CHD1L: variants seen among roughly 807,000 people sequenced by gnomAD.
The protein encoded by CHD1L is chromodomain helicase DNA binding protein 1 like.
In CHD1L, 118 loss-of-function variants were observed where a neutral mutation model predicts 115.9. That is an observed-to-expected ratio of 1.02 (90% CI 0.88 to 1.19). The LOEUF (loss-of-function observed/expected upper bound fraction) is 1.19. Among genes scored for constraint, CHD1L ranks in the 50% most tolerant of loss-of-function variants. CHD1L has a pLI of 0.00. For synonymous variants in CHD1L, 411 were observed against 387.1 expected (o/e 1.06, Z -0.72); for missense variants, 1,179 against 1,065.3 (o/e 1.11, Z -1.49).
intron 8 of CHD1L, among the ~76,000 whole-genome samples, 184 bp downstream of exon 8, chr1:147,266,271 T>G (rs587681167): frequency 2.6e-5 from 4 of 152,330 alleles, no homozygotes; most frequent in African/African-American, 9.6e-5. Context: ...CAGCCTTGGT[T>G]GTTGCAGTTG....
intron 5 of CHD1L, chr1:147,259,192 C>G (rs1671100836): frequency 6.6e-6 from 1 of 152,172 alleles, no homozygotes; most frequent in Non-Finnish European, 1.5e-5. Context: ...ACTGAAACTT[C>G]TTGAGAAATT....
chr1:147,286,617 A>G, intron 18 of CHD1L, 117 bp downstream of exon 18: 2 of 861,686 alleles, frequency 2.3e-6, no homozygotes, highest in Non-Finnish European at 3.6e-6. Flanking sequence ...GTACAGTCAA[A>G]AAAGTGTGAA....
At chr1:147,203,619 T>C in the CHD1L span, 1 of 1,231,840 alleles carries the variant, frequency 8.1e-7, no homozygotes, top group Non-Finnish European at 1.2e-6. Context: ...GCAAACTTCT[T>C]AATAGCGTAC....
chr1:147,244,081 T>A (rs61642695), intron 1 of CHD1L, among the ~76,000 whole-genome samples: 2,419 of 152,330 alleles, frequency 0.016, 68 homozygotes, highest in African/African-American at 0.056. Context: ...ATGTTTGACT[T>A]TATCTTAACG....
rs1673128078 is a variant in CHD1L, at chr1:147,264,464, C to T, written c.619C>T (p.Gln207Ter). The T allele has an allele frequency of 3.7e-6, 6 of 1,613,354 alleles. No homozygotes were observed. Among genetic ancestry groups the T allele is most frequent in the Non-Finnish European group, 5.1e-6 (6 of 1,179,708 alleles). ...TCTCCTGTTGACCGGAACTCCCATC[C>T]AGAACAGCCTCCAAGAGCTCTACTC... ...FSLLLTGTPI[Q>*]NSLQELYSLL... is the part of the protein sequence containing the mutation. Residue 207 changes from glutamine to a stop codon, truncating the protein, a stop_gained, in exon 7 of 23, where the codon CAG (glutamine) becomes TAG (stop). Coordinates refer to ENST00000369258, the MANE Select transcript of CHD1L (RefSeq NM_004284.6). LOFTEE classifies it high-confidence loss of function.
At chr1:147,178,786 C>CA in the CHD1L span, 3 of 1,604,068 alleles carry the variant, frequency 1.9e-6, no homozygotes, top group Non-Finnish European at 2.6e-6. Flanking sequence ...ATATACAGTG[C>CA]AAAAAATGAC....
the CHD1L span, among the ~76,000 whole-genome samples, chr1:147,196,784 C>T: frequency 6.6e-6 from 1 of 152,064 alleles, no homozygotes; most frequent in South Asian, 2.1e-4. Flanking sequence ...AATGAATGGC[C>T]TCAACACCTG....
At chr1:147,178,478 A>G in the CHD1L span, 1 of 1,611,900 alleles carries the variant, frequency 6.2e-7, no homozygotes, top group Non-Finnish European at 8.5e-7. Flanking sequence ...AGGACTGCTG[A>G]TGGAATTGTC....
chr1:147,209,977 G>A, the CHD1L span: 1 of 152,188 alleles, frequency 6.6e-6, no homozygotes, highest in African/African-American at 2.4e-5. Flanking sequence ...TCAAGGATAG[G>A]AGATAAAGCC....
chr1:147,199,308 G>C, the CHD1L span, among the ~76,000 whole-genome samples: 1 of 152,118 alleles, frequency 6.6e-6, no homozygotes, highest in Non-Finnish European at 1.5e-5. Context: ...GAAGAGAAAG[G>C]CAAGAATGTG....
intron 10 of CHD1L, among the ~76,000 whole-genome samples, chr1:147,269,493 AC>A (rs1675283313): frequency 6.6e-6 from 1 of 151,674 alleles, no homozygotes; most frequent in Non-Finnish European, 1.5e-5. Context: ...ACATGGTGAA[AC>A]CCTGTCTCTA....
chr1:147,225,913 T>TTTTA, the CHD1L span: 1 of 152,094 alleles, frequency 6.6e-6, no homozygotes, highest in Non-Finnish European at 1.5e-5. Flanking sequence ...CTTTAAGGGG[T>TTTTA]CCACGTGAAA....
chr1:147,178,247 C>T, the CHD1L span: 31 of 1,613,474 alleles, frequency 1.9e-5, no homozygotes, highest in East Asian at 4.5e-5. Flanking sequence ...ACGGGCTCTG[C>T]GGGCCTCATG....
the CHD1L span, among the ~76,000 whole-genome samples, chr1:147,198,864 A>G: frequency 2.2e-5 from 3 of 139,344 alleles, no homozygotes; most frequent in South Asian, 4.4e-4. Context: ...AAAAAAAAAA[A>G]AAAAAAAAAA....
rs925615203 is a variant in CHD1L at position 147,294,613 on chromosome 1, T to C, written c.2615+96T>C. On this transcript the variant is annotated intron_variant, in intron 22 of 22. Coordinates refer to ENST00000369258, the MANE Select transcript of CHD1L (RefSeq NM_004284.6). Reference sequence around the variant, plus strand: ...AGTTCTTAATCCAAGACCAAGTTTCTTCCTGCCACAGTCTTTACTTTCCCC... The same window carrying C: ...AGTTCTTAATCCAAGACCAAGTTTCCTCCTGCCACAGTCTTTACTTTCCCC... 7.9e-6 allele frequency: 7 copies of C among 886,594 alleles called. No individual in the cohort carries two copies. In the African/African-American group the frequency reaches 8.5e-5, roughly 11 times the overall value. The allele number at this position is 886,594 out of a possible 1,614,324, so 54.9% of individuals were successfully genotyped here. A position where few individuals can be genotyped will look rare whatever the true frequency, so the allele number is the denominator to read the frequency against.
At chr1:147,271,763 C>T (rs1456407290) in intron 11 of CHD1L, among the ~76,000 whole-genome samples, 2 of 152,168 alleles carry the variant, frequency 1.3e-5, no homozygotes, top group Non-Finnish European at 2.9e-5. Context: ...TAAAGCCTCA[C>T]TGAAAGGCAG....
At chr1:147,246,926 A>G (rs1666806810) in intron 1 of CHD1L, among the ~76,000 whole-genome samples, 1 of 152,148 alleles carries the variant, frequency 6.6e-6, no homozygotes, top group South Asian at 2.1e-4. Flanking sequence ...CCCAGATCCT[A>G]AAGAGTTTTT....
chr1:147,173,418 A>G, the CHD1L span: 2 of 152,294 alleles, frequency 1.3e-5, no homozygotes, highest in African/African-American at 4.8e-5. Flanking sequence ...TAGCTCCTTG[A>G]CAAATTAGTA....
intron 1 of CHD1L, among the ~76,000 whole-genome samples, chr1:147,249,640 G>A (rs915557494): frequency 6.6e-6 from 1 of 151,960 alleles, no homozygotes; most frequent in Non-Finnish European, 1.5e-5. Context: ...TCTTGACCTC[G>A]TGATCCGCCT....
Sources: allele counts gnomAD v4.1 joint callset (sites outside exome capture counted in the v4.1 genomes callset), GRCh38; gene constraint gnomAD v4.1.1; transcripts MANE v1.5; gene names NCBI Gene and HGNC (gene_info 2026-07-23, HGNC 2026-07-21).